Variants in PPP1R16B observed in about 807,000 individuals in gnomAD.
PPP1R16B encodes protein phosphatase 1 regulatory subunit 16B.
A neutral mutation model predicts 61.7 loss-of-function variants in PPP1R16B; 14 were observed. The ratio of observed to expected loss-of-function variants is 0.23; its 90% CI spans 0.15 to 0.35. PPP1R16B has a LOEUF of 0.35. PPP1R16B is among the 10% of genes least tolerant of loss of function. The probability of loss-of-function intolerance (pLI) is 1.00; values close to 1 mark genes in which losing one functional copy is unlikely to be tolerated. For missense variants in PPP1R16B, 547 were observed against 752.5 expected (o/e 0.73, Z 3.19); for synonymous variants, 266 against 305.3 (o/e 0.87, Z 1.34).
chr20:38,869,151 T>G (rs1220043763), intron 2 of PPP1R16B, among the ~76,000 whole-genome samples: 1 of 99,292 alleles, frequency 1.0e-5, no homozygotes, highest in African/African-American at 3.6e-5. Context: ...AAATTAGCCA[T>G]TTTATTTTTT....
Position 38,908,213 on chromosome 20 carries a change from G to A in PPP1R16B, c.1194+20G>A. On this transcript the variant is annotated intron_variant, in intron 10 of 10. Coordinates refer to ENST00000299824, the MANE Select transcript of PPP1R16B (RefSeq NM_015568.4). ...GACCCTGTGAGTGGCCTCACGCCCT[G>A]CCCTAGTGTCAGCCACTGCAATGGG... 2 of 1,613,530 alleles carry A rather than the reference G, an allele frequency of 1.2e-6. No homozygotes were observed. The highest frequency in any genetic ancestry group is 1.7e-6 in the Non-Finnish European group (2 of 1,179,640).
intron 2 of PPP1R16B, among the ~76,000 whole-genome samples, chr20:38,862,114 A>T (rs1401904704): frequency 6.6e-6 from 1 of 152,162 alleles, no homozygotes; most frequent in Non-Finnish European, 1.5e-5. Context: ...GTTGCCTCCC[A>T]TGCCTGGCTT....
At chr20:38,910,732 T>G (rs942535279) in intron 10 of PPP1R16B, among the ~76,000 whole-genome samples, 1 of 150,578 alleles carries the variant, frequency 6.6e-6, no homozygotes, top group Non-Finnish European at 1.5e-5. Context: ...GTGCCGTGGC[T>G]CATGCCTGTA....
At chr20:38,808,476 T>G (rs2084676490) in intron 1 of PPP1R16B, among the ~76,000 whole-genome samples, 1 of 152,050 alleles carries the variant, frequency 6.6e-6, no homozygotes, top group Non-Finnish European at 1.5e-5. Context: ...AGGAAAACCT[T>G]CACTGTCCTG....
intron 1 of PPP1R16B, among the ~76,000 whole-genome samples, chr20:38,831,389 C>T (rs1214060555): frequency 2.0e-5 from 3 of 152,240 alleles, no homozygotes; most frequent in East Asian, 1.9e-4. Flanking sequence ...GTCTTGGGGC[C>T]GCCTAGCTGC....
chr20:38,810,006 A>AC (rs1491516588), intron 1 of PPP1R16B, among the ~76,000 whole-genome samples: 5 of 149,284 alleles, frequency 3.3e-5, no homozygotes, highest in East Asian at 2.0e-4. Flanking sequence ...AAAAAAAAAA[A>AC]CAAAACCAAA....
At chr20:38,855,179 C>T (rs543422420) in intron 2 of PPP1R16B, among the ~76,000 whole-genome samples, 3 of 152,202 alleles carry the variant, frequency 2.0e-5, no homozygotes, top group African/African-American at 7.2e-5. Context: ...CCCAGCTTTT[C>T]CTGGTTGCCA....
intron 5 of PPP1R16B, among the ~76,000 whole-genome samples, chr20:38,900,955 A>G (rs994668953): frequency 1.3e-5 from 2 of 152,218 alleles, no homozygotes; most frequent in Non-Finnish European, 2.9e-5. Flanking sequence ...GCCTTGTCTC[A>G]TCTTCATCAG....
rs1376120335 is a variant in PPP1R16B, at chr20:38,836,190, G to C, written c.250+15G>C. 5 of 1,600,058 alleles carry C rather than the reference G, an allele frequency of 3.1e-6. No individual in the cohort carries two copies. In the African/African-American group the frequency reaches 4.0e-5, roughly 13 times the overall value. Reference sequence around the variant, plus strand: ...CGCCGAGGAAGGTAGGCCCCTCTGTGCCTTGGCGGCCACGCAGCTGCCTTG... The same window carrying C: ...CGCCGAGGAAGGTAGGCCCCTCTGTCCCTTGGCGGCCACGCAGCTGCCTTG... On this transcript the variant is annotated intron_variant, in intron 2 of 10. Transcript: ENST00000299824.
chr20:38,912,095 T>TG (rs2085495318), intron 10 of PPP1R16B, among the ~76,000 whole-genome samples: 1 of 146,942 alleles, frequency 6.8e-6, no homozygotes, highest in Non-Finnish European at 1.5e-5. Context: ...GTATAGTCAG[T>TG]CTTTTTTTTT....
At chr20:38,869,821 A>G (rs1290813059) in intron 2 of PPP1R16B, among the ~76,000 whole-genome samples, 1 of 152,198 alleles carries the variant, frequency 6.6e-6, no homozygotes, top group East Asian at 1.9e-4. Context: ...GTGGCAGTTC[A>G]TTAACCCCCT....
intron 1 of PPP1R16B, among the ~76,000 whole-genome samples, chr20:38,830,763 A>C (rs1044710087): frequency 1.3e-5 from 2 of 152,236 alleles, no homozygotes; most frequent in Non-Finnish European, 2.9e-5. Context: ...GGTCCATGTT[A>C]CGTCAAGGCT....
At chr20:38,870,786 C>T (rs1032222132) in intron 2 of PPP1R16B, among the ~76,000 whole-genome samples, 1 of 152,184 alleles carries the variant, frequency 6.6e-6, no homozygotes, top group African/African-American at 2.4e-5. Flanking sequence ...TTCTCAGCTC[C>T]AAGAGGCAGC....
At chr20:38,903,973 G>A (rs933882957) in intron 6 of PPP1R16B, among the ~76,000 whole-genome samples, 2 of 152,144 alleles carry the variant, frequency 1.3e-5, no homozygotes, top group Admixed American at 1.3e-4. Context: ...AGCAGTCTCG[G>A]GATCTCGAGC....
chr20:38,842,134 C>T (rs548763592), intron 2 of PPP1R16B, among the ~76,000 whole-genome samples: 2 of 152,314 alleles, frequency 1.3e-5, no homozygotes, highest in South Asian at 4.1e-4. Flanking sequence ...GACTCAATCC[C>T]AGGATTCAAA....
At chr20:38,831,308 C>A (rs146504298) in intron 1 of PPP1R16B, among the ~76,000 whole-genome samples, 7 of 152,344 alleles carry the variant, frequency 4.6e-5, no homozygotes, top group Non-Finnish European at 1.0e-4. Context: ...CTGGGTCTCA[C>A]GAGGAGGCCA....
At chr20:38,872,231 G>C (rs2085135223) in intron 2 of PPP1R16B, among the ~76,000 whole-genome samples, 1 of 152,176 alleles carries the variant, frequency 6.6e-6, no homozygotes, top group Admixed American at 6.5e-5. Flanking sequence ...AATGCCTCCT[G>C]CACTGGGTGT....
chr20:38,826,787 A>C (rs2084808052), intron 1 of PPP1R16B, among the ~76,000 whole-genome samples: 1 of 152,176 alleles, frequency 6.6e-6, no homozygotes, highest in African/African-American at 2.4e-5. Context: ...TCTACCACCC[A>C]CCATAGACCT....
chr20:38,858,787 T>C (rs954552104), intron 2 of PPP1R16B, among the ~76,000 whole-genome samples: 10 of 152,178 alleles, frequency 6.6e-5, no homozygotes, highest in South Asian at 2.1e-4. Context: ...TGGTTCTCTA[T>C]TGTCACATAG....
Sources: allele counts gnomAD v4.1 joint callset (sites outside exome capture counted in the v4.1 genomes callset), GRCh38; gene constraint gnomAD v4.1.1; transcripts MANE v1.5; gene names NCBI Gene and HGNC (gene_info 2026-07-23, HGNC 2026-07-21).